PLCB4: variants seen among roughly 807,000 people sequenced by gnomAD.
The protein encoded by PLCB4 is 1-phosphatidylinositol 4,5-bisphosphate phosphodiesterase beta-4.
PLCB4 carries 77 observed loss-of-function variants against 178.8 expected under a neutral mutation model. The observed-to-expected ratio is 0.43, with a 90% CI of 0.36 to 0.52. The LOEUF (loss-of-function observed/expected upper bound fraction) is 0.52, where lower values mean the gene tolerates loss of function less well. Among genes scored for constraint, PLCB4 ranks in the 20% least tolerant of loss-of-function variants. The pLI, the probability that PLCB4 is intolerant of heterozygous loss-of-function variation, is 0.00. For missense variants in PLCB4, 1,024 were observed against 1,453.4 expected, an observed-to-expected ratio of 0.70 and a Z score of 4.80; for synonymous variants, 496 against 490.8, an observed-to-expected ratio of 1.01 and a Z score of -0.14.
At chr20:9,091,170 C>T (rs952840615) in intron 1 of PLCB4, among the ~76,000 whole-genome samples, 3 of 151,802 alleles carry the variant, frequency 2.0e-5, no homozygotes, top group Non-Finnish European at 4.4e-5. Flanking sequence ...GCTGTTGACT[C>T]ATAAGTTTCT....
chr20:9,260,731 T>C lies in PLCB4; in HGVS notation c.-16+43279T>C, dbSNP rs561892336. 4.6e-5 allele frequency among the ~76,000 whole-genome samples: 7 copies of C among 152,220 alleles called. No individual in the cohort carries two copies. In the South Asian group the frequency reaches 1.5e-3, roughly 32 times the overall value. On this transcript the variant is annotated intron_variant, in intron 3 of 39. Coordinates refer to ENST00000378473, the MANE Select transcript of PLCB4 (RefSeq NM_001377142.1). ...CAGAGGAGGGAACTTCATATTCTTG[T>C]TTTATAAATTTTCAGAGAGAGAGAT...
intron 3 of PLCB4, among the ~76,000 whole-genome samples, chr20:9,288,840 A>G (rs74779948): frequency 0.035 from 5,287 of 152,192 alleles, 339 homozygotes; most frequent in African/African-American, 0.12. Context: ...CAGAACATAT[A>G]TGCTAGATTC....
Position 9,428,140 on chromosome 20 carries a change from G to T in PLCB4, c.2524+4188G>T, listed in dbSNP as rs566857763. Among the ~76,000 whole-genome samples, 4 of 152,248 alleles carry T rather than the reference G, an allele frequency of 2.6e-5. No homozygotes were observed. In the South Asian group the frequency reaches 8.3e-4, roughly 32 times the overall value. ...TATCAGATATTTCCAGAGAAAGAAT[G>T]TTCTTAATTAAGATGCCATTCCTGG... On this transcript the variant is annotated intron_variant, in intron 28 of 39. Transcript: ENST00000378473.
At chr20:9,198,048 AC>A (rs761647455) in intron 2 of PLCB4, among the ~76,000 whole-genome samples, 176 of 152,312 alleles carry the variant, frequency 1.2e-3, no homozygotes, top group Non-Finnish European at 2.3e-3. Flanking sequence ...TGAGCTGAGA[AC>A]CATTGTCATT....
At chr20:9,078,532 T>C (rs1313631407) in intron 1 of PLCB4, among the ~76,000 whole-genome samples, 1 of 151,874 alleles carries the variant, frequency 6.6e-6, no homozygotes, top group Non-Finnish European at 1.5e-5. Flanking sequence ...CGGCTAATTT[T>C]TGTATTTTTA....
intron 2 of PLCB4, among the ~76,000 whole-genome samples, chr20:9,160,445 C>T (rs6077498): frequency 0.18 from 27,758 of 152,122 alleles, 2,546 homozygotes; most frequent in African/African-American, 0.21. Flanking sequence ...AGTAAATGAA[C>T]GCACAGAGTT....
chr20:9,273,551 G>A (rs2147636223), intron 3 of PLCB4, among the ~76,000 whole-genome samples: 1 of 152,174 alleles, frequency 6.6e-6, no homozygotes, highest in Non-Finnish European at 1.5e-5. Flanking sequence ...GGGTCCCAGA[G>A]TCAGTGACAT....
intron 3 of PLCB4, among the ~76,000 whole-genome samples, chr20:9,225,769 G>T (rs1009327619): frequency 6.6e-6 from 1 of 152,192 alleles, no homozygotes; most frequent in Admixed American, 6.5e-5. Context: ...TTCTATAAGA[G>T]AGAGGGAACA....
At chr20:9,369,590 AT>A (rs1335891895) in intron 9 of PLCB4, among the ~76,000 whole-genome samples, 1 of 152,204 alleles carries the variant, frequency 6.6e-6, no homozygotes, top group African/African-American at 2.4e-5. Flanking sequence ...GCCTCCTTAT[AT>A]TTGAATACAA....
chr20:9,247,980 AC>A (rs1209303525), intron 3 of PLCB4, among the ~76,000 whole-genome samples: 1 of 152,192 alleles, frequency 6.6e-6, no homozygotes, highest in Non-Finnish European at 1.5e-5. Context: ...CAAAGCCCCG[AC>A]TTACAGCAGC....
intron 9 of PLCB4, among the ~76,000 whole-genome samples, chr20:9,370,177 T>C (rs2036123263): frequency 6.6e-6 from 1 of 152,218 alleles, no homozygotes; most frequent in Non-Finnish European, 1.5e-5. Context: ...ATCAAGGTGT[T>C]ATCTATTCTA....
chr20:9,465,440 C>A (rs926267877), intron 35 of PLCB4, among the ~76,000 whole-genome samples: 19 of 152,150 alleles, frequency 1.2e-4, no homozygotes, highest in African/African-American at 4.6e-4. Flanking sequence ...CCAGGGCAAT[C>A]AGGCAAGAGA....
chr20:9,102,108 T>A (rs1177774078), intron 2 of PLCB4, among the ~76,000 whole-genome samples: 1 of 152,076 alleles, frequency 6.6e-6, no homozygotes, highest in Non-Finnish European at 1.5e-5. Context: ...GCCTCCCAAA[T>A]TGCTAGGATT....
chr20:9,195,012 A>G (rs1370633164), intron 2 of PLCB4, among the ~76,000 whole-genome samples: 1 of 152,188 alleles, frequency 6.6e-6, no homozygotes, highest in Non-Finnish European at 1.5e-5. Context: ...TTTAAGACCA[A>G]ATTAGGAAGT....
chr20:9,102,054 A>G (rs923192897), intron 2 of PLCB4, among the ~76,000 whole-genome samples: 10 of 152,076 alleles, frequency 6.6e-5, no homozygotes, highest in Non-Finnish European at 1.0e-4. Flanking sequence ...CATGTTTGCC[A>G]GGCTGGTCTC....
At chr20:9,219,701 C>T (rs1382469252) in intron 3 of PLCB4, among the ~76,000 whole-genome samples, 2 of 152,188 alleles carry the variant, frequency 1.3e-5, no homozygotes, top group African/African-American at 4.8e-5. Context: ...GCATCATTCA[C>T]TTGCTACATA....
chr20:9,294,921 G>C (rs913662751), intron 3 of PLCB4, among the ~76,000 whole-genome samples: 1 of 152,092 alleles, frequency 6.6e-6, no homozygotes, highest in Non-Finnish European at 1.5e-5. Flanking sequence ...CCCAGCTTGA[G>C]TTCCCATCTT....
intron 7 of PLCB4, among the ~76,000 whole-genome samples, chr20:9,344,564 G>A (rs939265268): frequency 6.6e-6 from 1 of 152,128 alleles, no homozygotes; most frequent in Non-Finnish European, 1.5e-5. Context: ...AAGTGATAAA[G>A]GTGTATAAAC....
At position 9,384,374 on chromosome 20, in the gene PLCB4, G is replaced by C; in HGVS notation, c.1027G>C (p.Val343Leu). ...TGRQFGGKSS[V>L]EMYRQVLLAG... The stretch of plus-strand genomic sequence containing the variant: ...CAGACAGTTCGGCGGGAAGTCTTCG[G>C]TAGAAATGTACAGACAGGTTCTCCT... Residue 343 changes from valine to leucine, a missense_variant, in exon 14 of 40, where the codon GTA (valine) becomes CTA (leucine). Val to Leu is a conservative substitution (Grantham distance 32, BLOSUM62 1). Around this residue, in one of 7 missense-constraint regions of PLCB4, gnomAD observed 263 missense variants for 417.4 expected, o/e 0.63. Coordinates refer to ENST00000378473, the MANE Select transcript of PLCB4 (RefSeq NM_001377142.1). 6.2e-7 allele frequency: 1 copy of C among 1,614,202 alleles called. No individual in the cohort carries two copies. The highest frequency in any genetic ancestry group is 8.5e-7 in the Non-Finnish European group (1 of 1,180,024).
Sources: gnomAD v4.1 joint callset for allele counts (sites outside exome capture counted in the v4.1 genomes callset) on GRCh38, gnomAD v4.1.1 for gene constraint, gnomAD v4.1.1 regional missense constraint, MANE v1.5 for transcripts, NCBI Gene and HGNC (gene_info 2026-07-23, HGNC 2026-07-21) for gene names.